SYMPK: variants seen among roughly 807,000 people sequenced by gnomAD.
SYMPK encodes symplekin scaffold protein, also known as symplekin.
SYMPK carries 49 observed loss-of-function variants against 136.4 expected under a neutral mutation model. The observed-to-expected ratio is 0.36, with a 90% CI of 0.29 to 0.46. The LOEUF is 0.46. Among genes scored for constraint, SYMPK ranks in the 20% least tolerant of loss-of-function variants. The probability of loss-of-function intolerance (pLI) is 1.00; values close to 1 mark genes in which losing one functional copy is unlikely to be tolerated. For synonymous variants in SYMPK, 766 were observed against 713.0 expected (o/e 1.07, Z -1.19); for missense variants, 1,365 against 1,690.0 (o/e 0.81, Z 3.37).
chr19:45,827,894 C>A lies in SYMPK; in HGVS notation c.2010G>T (p.Glu670Asp). The A allele has an allele frequency of 1.2e-6, 2 of 1,614,000 alleles. No individual in the cohort carries two copies. The highest frequency in any genetic ancestry group is 2.2e-5 in the South Asian group (2 of 91,086). ...GGGCACTCTCTGTGATGAGTGGCGC[C>A]TCCAGCACAACCTTGGTGAAGATCC... ...KDGIFTKVVL[E>D]APLITESALE... Residue 670 changes from glutamate (E) to aspartate (D), a missense_variant, in exon 15 of 27, where the codon GAG (glutamate) becomes GAT (aspartate). Coordinates refer to ENST00000245934, the MANE Select transcript of SYMPK (RefSeq NM_004819.3).
Position 45,816,623 on chromosome 19 carries a change from G to A in SYMPK, c.3259-46C>T, listed in dbSNP as rs1356857196. On this transcript the variant is annotated intron_variant, in intron 24 of 26. Transcript: ENST00000245934. ...GGGCGCTGGGGGCAGCTCTGGCACA[G>A]AGACCCCATTTGCACACCTCAGGTC... 3 of 1,611,078 alleles carry A rather than the reference G, an allele frequency of 1.9e-6. No homozygotes were observed. The South Asian group carries it at 3.3e-5, about 18-fold the overall frequency.
At chr19:45,856,714 T>C (rs145875197) in intron 1 of SYMPK, among the ~76,000 whole-genome samples, 113 of 152,210 alleles carry the variant, frequency 7.4e-4, no homozygotes, top group Non-Finnish European at 1.4e-3. Flanking sequence ...ATCCCAGGAT[T>C]TTGGGAGGCT....
At chr19:45,849,200 A>G (rs1971639265) in intron 5 of SYMPK, among the ~76,000 whole-genome samples, 1 of 152,200 alleles carries the variant, frequency 6.6e-6, no homozygotes, top group Non-Finnish European at 1.5e-5. Flanking sequence ...TTGTTTATGC[A>G]ATTTTTTGGG....
At chr19:45,816,708 TCCAGTCCCCACCAA>T (rs1261889412) in intron 24 of SYMPK, 76 bp downstream of exon 24, 1 of 1,494,160 alleles carries the variant, frequency 6.7e-7, no homozygotes, top group African/African-American at 1.4e-5. Context: ...TCCGCCTCCA[TCCAGTCCCCACCAA>T]CCAGAGGGAC....
At chr19:45,831,614 C>T (rs1971177086) in intron 11 of SYMPK, 26 bp from the exon 12 acceptor site, 2 of 1,544,646 alleles carry the variant, frequency 1.3e-6, no homozygotes, top group Admixed American at 1.9e-5. Flanking sequence ...CAAACAGACA[C>T]CCAGTGCGTC....
intron 3 of SYMPK, 107 bp downstream of exon 3, chr19:45,854,068 C>A: frequency 9.2e-7 from 1 of 1,087,542 alleles, no homozygotes; most frequent in South Asian, 1.3e-5. Context: ...GGCCGGCACA[C>A]ACTGAGTGTG....
chr19:45,860,532 T>C (rs1971941988), intron 1 of SYMPK, among the ~76,000 whole-genome samples: 1 of 152,048 alleles, frequency 6.6e-6, no homozygotes, highest in African/African-American at 2.4e-5. Flanking sequence ...GAACACTTAA[T>C]ATGTGCTAAG....
intron 1 of SYMPK, chr19:45,862,423 G>A (rs1971989059): frequency 6.6e-6 from 1 of 152,212 alleles, no homozygotes; most frequent in South Asian, 2.1e-4. Context: ...TTAGCTGGGC[G>A]TCTCCGGCGT....
intron 24 of SYMPK, 60 bp downstream of exon 24, chr19:45,816,738 G>C: frequency 6.8e-7 from 1 of 1,480,988 alleles, no homozygotes; most frequent in Non-Finnish European, 9.0e-7. Context: ...GGGACCCAGG[G>C]GGCCGCCCAC....
At chr19:45,831,249 C>A (rs1203312450) in intron 12 of SYMPK, 135 bp downstream of exon 12, 9 of 579,742 alleles carry the variant, frequency 1.6e-5, no homozygotes, top group Non-Finnish European at 2.4e-5. Flanking sequence ...CAGAGAGAAC[C>A]TATTCCAGAC....
At chr19:45,848,432 G>A (rs1971618434) in intron 6 of SYMPK, among the ~76,000 whole-genome samples, 1 of 152,326 alleles carries the variant, frequency 6.6e-6, no homozygotes, top group Non-Finnish European at 1.5e-5. Flanking sequence ...CTTGGGTTAT[G>A]AGCACTGTGA....
chr19:45,857,500 T>C (rs1174136075), intron 1 of SYMPK, among the ~76,000 whole-genome samples: 1 of 151,714 alleles, frequency 6.6e-6, no homozygotes, highest in Non-Finnish European at 1.5e-5. Context: ...TGATACTTTT[T>C]TCTTTTTTTG....
In SYMPK at chr19:45,817,975, C is replaced by T. The variant is rs201053291; in HGVS notation, c.3065G>A (p.Arg1022His). ...LGGFVMNILSRLIMKQVWKYP... is the reference protein window; with the variant it reads ...LGGFVMNILSHLIMKQVWKYP... The stretch of plus-strand genomic sequence containing the variant: ...ATGGGTTACCTGCTTCATGATGAGG[C>T]GGGACAGGATGTTCATGACGAAGCC... The change falls in exon 23 of 27, where the codon CGC becomes CAC. Residue 1022 changes from arginine (R) to histidine (H), a missense_variant. Arg to His is a conservative substitution (Grantham distance 29). Coordinates refer to ENST00000245934, the MANE Select transcript of SYMPK (RefSeq NM_004819.3). The T allele has an allele frequency of 3.2e-6, 5 of 1,575,374 alleles. No individual in the cohort carries two copies. The African/African-American group carries it at 4.0e-5, about 13-fold the overall frequency.
chr19:45,845,959 G>A (rs961328655), intron 7 of SYMPK, among the ~76,000 whole-genome samples: 4 of 152,142 alleles, frequency 2.6e-5, no homozygotes, highest in South Asian at 2.1e-4. Flanking sequence ...GAATTAGGCC[G>A]GGCGCGGTGG....
In SYMPK at chr19:45,844,171, A is replaced by T; in HGVS notation, c.706T>A (p.Leu236Met). 1 of 1,609,820 alleles carries T rather than the reference A, an allele frequency of 6.2e-7. No individual in the cohort carries two copies. The highest frequency in any genetic ancestry group is 8.5e-7 in the Non-Finnish European group (1 of 1,178,014). The change falls in exon 8 of 27, where the codon TTG (leucine) becomes ATG (methionine). Residue 236 changes from leucine to methionine, a missense_variant. By Grantham distance (15) the Leu-to-Met change is conservative (BLOSUM62 2). This residue lies in a region of SYMPK where 237 missense variants were observed against 292.9 expected (regional missense o/e 0.81). Transcript: ENST00000245934. ...NVLWEEGKAA[L>M]EQLLKFMVHP... ...ACCATGAACTTAAGCAGCTGCTCCA[A>T]GGCTGCCTTGCCCTCTTCCCATAGC...
chr19:45,829,975 C>A lies in SYMPK; in HGVS notation c.1749+79G>T, dbSNP rs963061594. Reference sequence around the variant, plus strand: ...CAGCCAGGGAGGTTTGACGCCAGGGCCAGACTCTTCGCTGGATGTGAGGTA... The same window carrying A: ...CAGCCAGGGAGGTTTGACGCCAGGGACAGACTCTTCGCTGGATGTGAGGTA... On this transcript the variant is annotated intron_variant, in intron 13 of 26. Coordinates refer to ENST00000245934, the MANE Select transcript of SYMPK (RefSeq NM_004819.3). The A allele has an allele frequency of 1.0e-5, 15 of 1,471,750 alleles. No homozygotes were observed. The East Asian group carries it at 3.0e-4, about 29-fold the overall frequency. The allele number at this position is 1,471,750 out of a possible 1,614,324, so 91.2% of individuals were successfully genotyped here.
intron 17 of SYMPK, 111 bp downstream of exon 17, chr19:45,826,115 C>T: frequency 1.4e-6 from 2 of 1,472,786 alleles, no homozygotes; most frequent in Non-Finnish European, 1.8e-6. Context: ...CCAGTCCTGC[C>T]CATTCCCGTC....
rs142993063 is a variant in SYMPK, at chr19:45,847,765, G to C, written c.663C>G (p.Pro221=). ...ISLDRIPRDH[P]YIQYNVLWEE... is the part of the protein sequence containing the mutation. ...GGCAGTACTCACTGTACTGGATGTA[G>C]GGGTGGTCACGAGGGATGCGGTCCA... Residue 221 remains proline, a synonymous_variant, in exon 7 of 27, where the codon CCC becomes CCG. Coordinates refer to ENST00000245934, the MANE Select transcript of SYMPK (RefSeq NM_004819.3). The C allele has an allele frequency of 7.4e-6, 12 of 1,613,596 alleles. No individual in the cohort carries two copies. The African/African-American group carries it at 1.5e-4, about 20-fold the overall frequency.
intron 19 of SYMPK, 79 bp from the exon 20 acceptor site, chr19:45,823,551 C>T (rs1970960537): frequency 1.4e-6 from 2 of 1,382,236 alleles, no homozygotes; most frequent in African/African-American, 1.4e-5. Context: ...GAAAGAGAAG[C>T]AGGCAGGTGT....
Sources: gnomAD v4.1 joint callset for allele counts (sites outside exome capture counted in the v4.1 genomes callset) on GRCh38, gnomAD v4.1.1 for gene constraint, gnomAD v4.1.1 regional missense constraint, MANE v1.5 for transcripts, NCBI Gene and HGNC (gene_info 2026-07-23, HGNC 2026-07-21) for gene names.